The following TPD52L1 variants were observed in gnomAD, a reference collection of about 807,000 sequenced individuals.
TPD52L1 encodes TPD52 like 1.
Under a neutral mutation model 28.7 loss-of-function variants are expected in TPD52L1, and 18 were observed. That is an observed-to-expected ratio of 0.63 (90% CI 0.43 to 0.93). The LOEUF (loss-of-function observed/expected upper bound fraction) is 0.93, where lower values mean the gene tolerates loss of function less well. TPD52L1 is among the 40% of genes least tolerant of loss of function. The pLI is 0.00. For synonymous variants in TPD52L1, 75 were observed against 88.8 expected (o/e 0.84, Z 0.88); for missense variants, 203 against 254.8 (o/e 0.80, Z 1.39).
chr6:125,184,474 C>T (rs1468142274), intron 1 of TPD52L1, among the ~76,000 whole-genome samples: 2 of 152,184 alleles, frequency 1.3e-5, no homozygotes, highest in Non-Finnish European at 2.9e-5. Context: ...CCAAAGTTAC[C>T]TTTTGGTCTG....
At chr6:125,259,805 A>C (rs1375532570) in intron 6 of TPD52L1, among the ~76,000 whole-genome samples, 1 of 152,254 alleles carries the variant, frequency 6.6e-6, no homozygotes, top group Non-Finnish European at 1.5e-5. Context: ...ATGAAATTCT[A>C]TGCAAAGAAC....
At chr6:125,260,294 T>C (rs1562405917) in intron 6 of TPD52L1, 3 of 152,180 alleles carry the variant, frequency 2.0e-5, no homozygotes. Context: ...TCCCCTGACC[T>C]GTTCCCAGTG....
intron 1 of TPD52L1, among the ~76,000 whole-genome samples, chr6:125,187,301 G>T (rs1317042601): frequency 1.3e-5 from 2 of 152,146 alleles, no homozygotes; most frequent in Non-Finnish European, 2.9e-5. Context: ...TTGCTGACAA[G>T]GATAGAGAAA....
rs368146966 is a variant in TPD52L1 at position 125,220,097 on chromosome 6, G to A, written c.39G>A (p.Pro13=). The A allele has an allele frequency of 3.2e-5, 51 of 1,613,410 alleles. No homozygotes were observed. Among genetic ancestry groups the A allele is most frequent in the Admixed American group, 1.2e-4 (7 of 59,972 alleles). ...AQAQGLLETE[P]LQGTDEDAVA... The stretch of plus-strand genomic sequence containing the variant: ...CTAAAGGTTTGTTGGAGACTGAACC[G>A]TTGCAAGGAACAGACGAAGATGCAG... Residue 13 remains proline (P), a synonymous_variant, in exon 2 of 7, where the codon CCG becomes CCA. Transcript: ENST00000534000.
At chr6:125,157,695 G>A (rs934627372) in intron 1 of TPD52L1, among the ~76,000 whole-genome samples, 1 of 152,110 alleles carries the variant, frequency 6.6e-6, no homozygotes, top group African/African-American at 2.4e-5. Context: ...TATTCTAAAT[G>A]GAAATAACTT....
intron 1 of TPD52L1, among the ~76,000 whole-genome samples, chr6:125,168,456 C>T (rs920746856): frequency 6.6e-6 from 1 of 152,032 alleles, no homozygotes; most frequent in Non-Finnish European, 1.5e-5. Context: ...CTTCTCAGTC[C>T]CCTCTCCTCT....
At chr6:125,223,242 G>T (rs1376812328) in intron 2 of TPD52L1, among the ~76,000 whole-genome samples, 2 of 152,060 alleles carry the variant, frequency 1.3e-5, no homozygotes, top group East Asian at 3.9e-4. Context: ...ATATTCCCAT[G>T]AGGTTGCCCT....
intron 1 of TPD52L1, among the ~76,000 whole-genome samples, chr6:125,173,865 T>C (rs1215572363): frequency 6.6e-6 from 1 of 152,180 alleles, no homozygotes; most frequent in African/African-American, 2.4e-5. Context: ...CAATCTGAGA[T>C]GACTGTGGTC....
chr6:125,174,527 C>G (rs144899467), intron 1 of TPD52L1, among the ~76,000 whole-genome samples: 2 of 152,074 alleles, frequency 1.3e-5, no homozygotes, highest in East Asian at 1.9e-4. Flanking sequence ...TAAAAAAGAC[C>G]GAAATTTTGC....
chr6:125,209,072 T>G (rs144377645), intron 1 of TPD52L1: 26 of 525,686 alleles, frequency 4.9e-5, no homozygotes, highest in African/African-American at 4.7e-4. Flanking sequence ...TGATCTCTGA[T>G]ACTGGCCGCC....
chr6:125,165,418 T>C (rs1268673173), intron 1 of TPD52L1, among the ~76,000 whole-genome samples: 3 of 152,276 alleles, frequency 2.0e-5, no homozygotes, highest in East Asian at 3.9e-4. Context: ...TCTCACAGTG[T>C]GAATCGTTTA....
At chr6:125,156,677 G>A (rs907324119) in intron 1 of TPD52L1, among the ~76,000 whole-genome samples, 2 of 152,090 alleles carry the variant, frequency 1.3e-5, no homozygotes, top group Non-Finnish European at 2.9e-5. Flanking sequence ...GTTGAGGTGG[G>A]AGGATCACCT....
At chr6:125,247,193 G>A (rs967734220) in intron 3 of TPD52L1, among the ~76,000 whole-genome samples, 1 of 152,074 alleles carries the variant, frequency 6.6e-6, no homozygotes, top group African/African-American at 2.4e-5. Context: ...GATACCATAT[G>A]CATGCAAGTA....
At chr6:125,260,932 G>GAAAGAA (rs1797898401) in intron 6 of TPD52L1, 1 of 16,744 alleles carries the variant, frequency 6.0e-5, no homozygotes, top group Non-Finnish European at 8.4e-5. Context: ...AAGAAAGAAA[G>GAAAGAA]AAAGAAAGAA....
At chr6:125,195,175 G>A (rs1793342829) in intron 1 of TPD52L1, among the ~76,000 whole-genome samples, 1 of 152,204 alleles carries the variant, frequency 6.6e-6, no homozygotes, top group African/African-American at 2.4e-5. Context: ...CCTAAGCAAA[G>A]CAGGACAAGA....
At position 125,157,682 on chromosome 6, in the gene TPD52L1, T is replaced by C. The variant is rs139178326; in HGVS notation, c.19+3712T>C. Among the ~76,000 whole-genome samples, 13 of 152,354 alleles carry C rather than the reference T, an allele frequency of 8.5e-5. No homozygotes were observed. In the East Asian group the frequency reaches 2.5e-3, roughly 29 times the overall value. On this transcript the variant is annotated intron_variant, in intron 1 of 6. Coordinates refer to ENST00000534000, the MANE Select transcript of TPD52L1 (RefSeq NM_003287.4). The stretch of plus-strand genomic sequence containing the variant: ...CCTTTTAAACTACCCTTCAATATTT[T>C]ATTATTCTAAATGGAAATAACTTTG...
At chr6:125,243,845 G>C (rs1488631218) in intron 3 of TPD52L1, among the ~76,000 whole-genome samples, 1 of 152,078 alleles carries the variant, frequency 6.6e-6, no homozygotes, top group Non-Finnish European at 1.5e-5. Context: ...GAGTTAGTGT[G>C]ACCTTTCATG....
intron 3 of TPD52L1, among the ~76,000 whole-genome samples, chr6:125,236,437 T>C (rs1796265231): frequency 1.3e-5 from 2 of 152,194 alleles, no homozygotes; most frequent in African/African-American, 4.8e-5. Flanking sequence ...TACTTCTCTC[T>C]AGCTAGCTAT....
intron 3 of TPD52L1, among the ~76,000 whole-genome samples, chr6:125,231,609 TTTGTTGTTGTTG>T (rs144723103): frequency 1.3e-5 from 2 of 151,098 alleles, no homozygotes; most frequent in Admixed American, 1.3e-4. Flanking sequence ...AGTTTGAGTT[TTTGTTGTTGTTG>T]TTGTTGTTGT....
Sources: gnomAD v4.1 joint callset for allele counts (sites outside exome capture counted in the v4.1 genomes callset) on GRCh38, gnomAD v4.1.1 for gene constraint, MANE v1.5 for transcripts, NCBI Gene and HGNC (gene_info 2026-07-23, HGNC 2026-07-21) for gene names.